Variants in PLXDC1 observed in about 807,000 individuals in gnomAD.
PLXDC1 encodes the protein plexin domain containing 1, also known as plexin domain-containing protein 1.
A neutral mutation model predicts 61.3 loss-of-function variants in PLXDC1; 39 were observed. The observed-to-expected ratio is 0.64, with a 90% CI of 0.49 to 0.83. The LOEUF (loss-of-function observed/expected upper bound fraction) is 0.83. Among genes scored for constraint, PLXDC1 ranks in the 40% least tolerant of loss-of-function variants. The pLI is 0.00. For missense variants in PLXDC1, 596 were observed against 666.5 expected (o/e 0.89, Z 1.17); for synonymous variants, 212 against 254.5 (o/e 0.83, Z 1.59).
At chr17:39,094,446 C>T (rs967121787) in intron 7 of PLXDC1, among the ~76,000 whole-genome samples, 11 of 152,184 alleles carry the variant, frequency 7.2e-5, no homozygotes, top group Non-Finnish European at 1.0e-4. Flanking sequence ...GCTCAAATGA[C>T]GTCCCCTCCT....
chr17:39,100,342 G>A lies in PLXDC1; in HGVS notation c.811+5512C>T, dbSNP rs8077077. 2.9e-3 allele frequency among the ~76,000 whole-genome samples: 447 copies of A among 152,210 alleles called. 4 individuals carry two copies. The highest frequency in any genetic ancestry group is 9.8e-3 in the African/African-American group (406 of 41,534). ...GCGATCTCAGCTCACTGCAAGCTCC[G>A]CCCCTCGGGTTCAAGCGATTCTCCT... On this transcript the variant is annotated intron_variant, in intron 7 of 13. Transcript: ENST00000315392.
At chr17:39,120,245 A>G (rs139767295) in intron 2 of PLXDC1, among the ~76,000 whole-genome samples, 5,328 of 152,146 alleles carry the variant, frequency 0.035, 127 homozygotes, top group Middle Eastern at 0.068. Flanking sequence ...TCTGCCTCCC[A>G]GGTTCAAGCG....
At position 39,067,714 on chromosome 17, in the gene PLXDC1, G is replaced by T; in HGVS notation, c.*126C>A. 1.1e-6 allele frequency: 1 copy of T among 928,826 alleles called. No individual in the cohort carries two copies. Among genetic ancestry groups the T allele is most frequent in the Non-Finnish European group, 1.6e-6 (1 of 607,472 alleles). The allele number at this position is 928,826 out of a possible 1,614,324, so 57.5% of individuals were successfully genotyped here. A position where few individuals can be genotyped will look rare whatever the true frequency, so the allele number is the denominator to read the frequency against. On this transcript the variant is annotated 3_prime_UTR_variant, in exon 14 of 14. Coordinates refer to ENST00000315392, the MANE Select transcript of PLXDC1 (RefSeq NM_020405.5). ...TGACGAAGCGAGCAGCAGCTCTGGA[G>T]CCATAAACCACCATCTCATCTCAGC... is the stretch of plus-strand genomic sequence containing the variant.
intron 7 of PLXDC1, among the ~76,000 whole-genome samples, chr17:39,097,183 A>G (rs1910241332): frequency 6.6e-6 from 1 of 152,098 alleles, no homozygotes; most frequent in Non-Finnish European, 1.5e-5. Context: ...ATTCCTAAAT[A>G]GTGAGGAATC....
chr17:39,126,806 C>T (rs1452649922), intron 2 of PLXDC1: 1 of 152,188 alleles, frequency 6.6e-6, no homozygotes, highest in Non-Finnish European at 1.5e-5. Context: ...AACTCCACAT[C>T]AGTGGTGCCC....
intron 2 of PLXDC1, among the ~76,000 whole-genome samples, chr17:39,135,592 A>T (rs1911720981): frequency 6.6e-6 from 1 of 151,252 alleles, no homozygotes; most frequent in Non-Finnish European, 1.5e-5. Flanking sequence ...CAGGAGAAAC[A>T]CTTGAACCTC....
chr17:39,095,367 G>GCCC (rs1183879667), intron 7 of PLXDC1, among the ~76,000 whole-genome samples: 1 of 7,584 alleles, frequency 1.3e-4, no homozygotes, highest in Non-Finnish European at 2.8e-4. Flanking sequence ...CTTACGCCCC[G>GCCC]CCCCCCCCCC....
rs374873160 is a variant in PLXDC1, at chr17:39,139,677, G to C, written c.232C>G (p.Pro78Ala). ...ACCACCACCCTGGTCCTGTTATCTG[G>C]CAGCGTGTCCATGGCCAGGGTGCCC... The part of the protein sequence containing the change: ...GGGTLAMDTL[P>A]DNRTRVVEDN... Residue 78 changes from proline to alanine, a missense_variant, in exon 2 of 14, where the codon CCA becomes GCA. Coordinates refer to ENST00000315392, the MANE Select transcript of PLXDC1 (RefSeq NM_020405.5). 73 of 1,613,454 alleles carry C rather than the reference G, an allele frequency of 4.5e-5. No homozygotes were observed. Among genetic ancestry groups the C allele is most frequent in the Non-Finnish European group, 6.0e-5 (71 of 1,179,816 alleles).
intron 2 of PLXDC1, among the ~76,000 whole-genome samples, chr17:39,111,246 C>T (rs911759324): frequency 6.6e-6 from 1 of 152,192 alleles, no homozygotes; most frequent in Admixed American, 6.5e-5. Flanking sequence ...GCCTTCTCCC[C>T]TTGACAGATT....
At chr17:39,136,280 G>A (rs1249884804) in intron 2 of PLXDC1, among the ~76,000 whole-genome samples, 2 of 152,144 alleles carry the variant, frequency 1.3e-5, no homozygotes, top group Non-Finnish European at 2.9e-5. Flanking sequence ...AGGTAAGGAG[G>A]CACCTACCTG....
intron 2 of PLXDC1, among the ~76,000 whole-genome samples, chr17:39,127,715 G>C (rs896455961): frequency 6.6e-6 from 1 of 151,896 alleles, no homozygotes; most frequent in Non-Finnish European, 1.5e-5. Context: ...CAGCACTTTG[G>C]GATGCCGAGG....
intron 13 of PLXDC1, 76 bp downstream of exon 13, chr17:39,069,780 G>A: frequency 9.0e-7 from 1 of 1,107,922 alleles, no homozygotes; most frequent in South Asian, 1.3e-5. Context: ...GAGAAGGGGA[G>A]AGGCAGGGAC....
intron 1 of PLXDC1, among the ~76,000 whole-genome samples, chr17:39,142,206 T>C (rs563220779): frequency 6.6e-6 from 1 of 152,118 alleles, no homozygotes; most frequent in African/African-American, 2.4e-5. Context: ...CCTTGCCCCA[T>C]TGAGGGAGGG....
At chr17:39,147,312 C>G (rs2045348843) in intron 1 of PLXDC1, among the ~76,000 whole-genome samples, 1 of 152,218 alleles carries the variant, frequency 6.6e-6, no homozygotes, top group African/African-American at 2.4e-5. Context: ...CACTCTTCAA[C>G]CAATTAACAA....
chr17:39,114,532 C>A (rs1175273971), intron 2 of PLXDC1, among the ~76,000 whole-genome samples: 1 of 152,208 alleles, frequency 6.6e-6, no homozygotes, highest in Non-Finnish European at 1.5e-5. Flanking sequence ...TCATGTCTGC[C>A]TTTCCTGTAA....
intron 7 of PLXDC1, among the ~76,000 whole-genome samples, chr17:39,103,936 G>A (rs950420392): frequency 6.6e-6 from 1 of 151,922 alleles, no homozygotes; most frequent in Non-Finnish European, 1.5e-5. Context: ...GAAACTCTGC[G>A]CCACTATAGC....
chr17:39,113,988 C>A (rs1394963925), intron 2 of PLXDC1, among the ~76,000 whole-genome samples: 1 of 152,156 alleles, frequency 6.6e-6, no homozygotes, highest in Non-Finnish European at 1.5e-5. Flanking sequence ...GTGGAACCTT[C>A]TGAAAGAGAT....
intron 2 of PLXDC1, 23 bp from the exon 3 acceptor site, chr17:39,109,414 C>T: frequency 6.4e-7 from 1 of 1,565,880 alleles, no homozygotes; most frequent in Non-Finnish European, 8.7e-7. Context: ...AAGATAAAGC[C>T]CACAGGAGGT....
rs1321970432 is a variant in PLXDC1 at position 39,146,688 on chromosome 17, A to G, written c.76+4674T>C. On this transcript the variant is annotated intron_variant, in intron 1 of 13. Coordinates refer to ENST00000315392, the MANE Select transcript of PLXDC1 (RefSeq NM_020405.5). The stretch of plus-strand genomic sequence containing the variant: ...GTATTATAAAATTTAATTTATTATT[A>G]ATAATAAATTTTAAAAAATTAGCCA... Among the ~76,000 whole-genome samples, 7 of 150,648 alleles carry G rather than the reference A, an allele frequency of 4.6e-5. No individual in the cohort carries two copies. The East Asian group carries it at 1.4e-3, about 30-fold the overall frequency.
Sources: gnomAD v4.1 joint callset for allele counts (sites outside exome capture counted in the v4.1 genomes callset) on GRCh38, gnomAD v4.1.1 for gene constraint, MANE v1.5 for transcripts, NCBI Gene and HGNC (gene_info 2026-07-23, HGNC 2026-07-21) for gene names.